TRPC4AP: variants seen among roughly 807,000 people sequenced by gnomAD.
TRPC4AP encodes the protein transient receptor potential cation channel subfamily C member 4 associated protein.
A neutral mutation model predicts 99.0 loss-of-function variants in TRPC4AP; 45 were observed. That is an observed-to-expected ratio of 0.45 (90% CI 0.36 to 0.58). The LOEUF (loss-of-function observed/expected upper bound fraction) is 0.58. Ranked by LOEUF, TRPC4AP falls within the 20% of genes least tolerant of loss-of-function variation. The pLI is 0.00. For missense variants in TRPC4AP, 879 were observed against 985.3 expected (o/e 0.89, Z 1.44); for synonymous variants, 408 against 385.8 (o/e 1.06, Z -0.67).
intron 1 of TRPC4AP, among the ~76,000 whole-genome samples, chr20:35,088,473 T>C (rs927891915): frequency 3.9e-5 from 6 of 152,234 alleles, no homozygotes; most frequent in African/African-American, 1.2e-4. Context: ...TTTCAGGCTC[T>C]GCAGATACAA....
At chr20:35,069,434 A>G in intron 2 of TRPC4AP, 22 bp from the exon 3 acceptor site, 5 of 1,482,720 alleles carry the variant, frequency 3.4e-6, no homozygotes, top group Non-Finnish European at 4.7e-6. Context: ...AAAAAAAAGT[A>G]CATACATTGT....
At chr20:35,059,181 C>T (rs1161395782) in intron 3 of TRPC4AP, among the ~76,000 whole-genome samples, 1 of 151,512 alleles carries the variant, frequency 6.6e-6, no homozygotes. Flanking sequence ...CTAGACTGAC[C>T]AAGAAAAAAG....
At chr20:35,014,665 A>T (rs1395262130) in intron 10 of TRPC4AP, among the ~76,000 whole-genome samples, 3 of 152,212 alleles carry the variant, frequency 2.0e-5, no homozygotes, top group African/African-American at 7.2e-5. Context: ...TTGAAATTAA[A>T]AACTCAAATG....
Position 35,013,033 on chromosome 20 carries a change from G to A in TRPC4AP, c.1384C>T (p.Leu462Phe). Residue 462 changes from leucine to phenylalanine, a missense_variant, in exon 11 of 19, where the codon CTT (leucine) becomes TTT (phenylalanine). Around this residue, in one of 3 missense-constraint regions of TRPC4AP, gnomAD observed 603 missense variants for 631.8 expected, o/e 0.95. Coordinates refer to ENST00000252015, the MANE Select transcript of TRPC4AP (RefSeq NM_015638.3). ...ITLKIQFLRL[L>F]QSFSDHHENK... Reference sequence around the variant, plus strand: ...TCGTGGTGGTCACTGAAGCTCTGAAGAAGCCTCAAAAACTGTATCTTCAAG... The same window carrying A: ...TCGTGGTGGTCACTGAAGCTCTGAAAAAGCCTCAAAAACTGTATCTTCAAG... 1 of 1,614,126 alleles carries A rather than the reference G, an allele frequency of 6.2e-7. No individual in the cohort carries two copies. Among genetic ancestry groups the A allele is most frequent in the Non-Finnish European group, 8.5e-7 (1 of 1,180,018 alleles).
chr20:35,005,723 G>C lies in TRPC4AP; in HGVS notation c.1908C>G (p.Asp636Glu), dbSNP rs771847914. The C allele has an allele frequency of 4.3e-6, 7 of 1,614,006 alleles. No homozygotes were observed. The highest frequency in any genetic ancestry group is 5.9e-6 in the Non-Finnish European group (7 of 1,179,998). ...MLVRCVTLSL[D>E]RFENQVDMKV... The stretch of plus-strand genomic sequence containing the variant: ...TCATATCCACCTGGTTTTCAAATCG[G>C]TCCAGGGACAGAGTGACACAGCGCA... The change falls in exon 16 of 19, where the codon GAC becomes GAG. Residue 636 changes from aspartate to glutamate, a missense_variant. Physicochemically the swap from Asp to Glu is conservative, Grantham distance 45. Transcript: ENST00000252015.
intron 16 of TRPC4AP, among the ~76,000 whole-genome samples, chr20:35,005,049 G>C (rs2082489577): frequency 6.6e-6 from 1 of 152,198 alleles, no homozygotes; most frequent in Non-Finnish European, 1.5e-5. Flanking sequence ...ACTAGTGTCG[G>C]AGCAACTGCT....
chr20:35,072,642 T>C (rs774878213), intron 2 of TRPC4AP, among the ~76,000 whole-genome samples: 1 of 152,156 alleles, frequency 6.6e-6, no homozygotes, highest in Non-Finnish European at 1.5e-5. Context: ...CTGGTCTATA[T>C]CTCTGTTTTG....
At chr20:35,031,390 C>CTTTTT (rs71299218) in intron 8 of TRPC4AP, among the ~76,000 whole-genome samples, 10 of 73,654 alleles carry the variant, frequency 1.4e-4, no homozygotes, top group African/African-American at 2.9e-4. Context: ...CCCTGGTTAA[C>CTTTTT]TTTTTTTTTT....
chr20:35,014,478 G>A (rs2082706756), intron 10 of TRPC4AP, among the ~76,000 whole-genome samples: 1 of 152,012 alleles, frequency 6.6e-6, no homozygotes, highest in East Asian at 1.9e-4. Flanking sequence ...CCACCCTGAG[G>A]TCTGAAGACC....
At chr20:35,085,475 T>G (rs79608518) in intron 1 of TRPC4AP, among the ~76,000 whole-genome samples, 5,546 of 152,074 alleles carry the variant, frequency 0.036, 338 homozygotes, top group African/African-American at 0.13. Context: ...GAGCTGCGTA[T>G]GGTGGCATGC....
chr20:35,018,746 G>A (rs1229776570), intron 9 of TRPC4AP, among the ~76,000 whole-genome samples: 1 of 152,096 alleles, frequency 6.6e-6, no homozygotes, highest in African/African-American at 2.4e-5. Context: ...CAGGATGGTA[G>A]GCAGGTGGGC....
At chr20:35,009,220 C>T (rs1368892282) in intron 12 of TRPC4AP, among the ~76,000 whole-genome samples, 1 of 152,132 alleles carries the variant, frequency 6.6e-6, no homozygotes, top group Admixed American at 6.5e-5. Context: ...ACTCTGGCCC[C>T]GTCATGGGGG....
In TRPC4AP at chr20:35,008,695, T is replaced by C. The variant is rs776568172; in HGVS notation, c.1564A>G (p.Met522Val). 6.2e-7 allele frequency: 1 copy of C among 1,614,102 alleles called. No individual in the cohort carries two copies. ...RGLLTRLLQV[M>V]KKEPAESSFR... Reference sequence around the variant, plus strand: ...GACGACTCTGCTGGCTCCTTCTTCATGACCTGCAGCAGACGAGTTAATAAG... The same window carrying C: ...GACGACTCTGCTGGCTCCTTCTTCACGACCTGCAGCAGACGAGTTAATAAG... Residue 522 changes from methionine (M) to valine (V), a missense_variant, in exon 13 of 19, where the codon ATG becomes GTG. Transcript: ENST00000252015.
chr20:35,026,428 C>G (rs1365964067), intron 8 of TRPC4AP, among the ~76,000 whole-genome samples: 3 of 152,154 alleles, frequency 2.0e-5, no homozygotes, highest in Non-Finnish European at 2.9e-5. Flanking sequence ...GTTACCCAGG[C>G]TGGCCTCAAA....
At chr20:35,021,031 G>A (rs2082874031) in intron 9 of TRPC4AP, among the ~76,000 whole-genome samples, 159 bp downstream of exon 9, 2 of 152,306 alleles carry the variant, frequency 1.3e-5, no homozygotes, top group Non-Finnish European at 2.9e-5. Flanking sequence ...GAATCAGCCT[G>A]GTTTCCTTAT....
At chr20:35,069,923 A>G (rs2084259402) in intron 2 of TRPC4AP, among the ~76,000 whole-genome samples, 1 of 152,178 alleles carries the variant, frequency 6.6e-6, no homozygotes, top group Non-Finnish European at 1.5e-5. Context: ...CCTCGGCAAC[A>G]GAGGGAGACT....
chr20:35,056,916 G>C (rs2145960066), intron 4 of TRPC4AP, among the ~76,000 whole-genome samples: 1 of 140,126 alleles, frequency 7.1e-6, no homozygotes, highest in East Asian at 2.1e-4. Context: ...AGCTCAGGAG[G>C]CGGAGGTTGC....
chr20:35,012,982 C>A (rs1276807526), intron 11 of TRPC4AP, 26 bp downstream of exon 11: 1 of 1,613,114 alleles, frequency 6.2e-7, no homozygotes, highest in Non-Finnish European at 8.5e-7. Context: ...CAACAACTCT[C>A]CTTGCAGGGA....
chr20:35,074,673 G>T (rs1225462694), intron 2 of TRPC4AP, among the ~76,000 whole-genome samples: 1 of 152,178 alleles, frequency 6.6e-6, no homozygotes, highest in Non-Finnish European at 1.5e-5. Flanking sequence ...ATTTACTAAG[G>T]AGTGCTTTAC....
Sources: allele counts gnomAD v4.1 joint callset (sites outside exome capture counted in the v4.1 genomes callset), GRCh38; gene constraint gnomAD v4.1.1; regional missense constraint gnomAD v4.1.1; transcripts MANE v1.5; gene names NCBI Gene and HGNC (gene_info 2026-07-23, HGNC 2026-07-21).